SLC24A2: variants seen among roughly 807,000 people sequenced by gnomAD.
SLC24A2 encodes the protein solute carrier family 24 member 2.
Under a neutral mutation model 62.0 loss-of-function variants are expected in SLC24A2, and 36 were observed. The ratio of observed to expected loss-of-function variants is 0.58; its 90% confidence interval spans 0.44 to 0.77. The LOEUF (loss-of-function observed/expected upper bound fraction) is 0.77. SLC24A2 is among the 30% of genes least tolerant of loss of function. The pLI is 0.00. For synonymous variants in SLC24A2, 358 were observed against 294.0 expected (o/e 1.22, Z -2.23); for missense variants, 846 against 817.9 (o/e 1.03, Z -0.42).
At chr9:20,306,149 C>G in the SLC24A2 span, among the ~76,000 whole-genome samples, 6 of 152,180 alleles carry the variant, frequency 3.9e-5, no homozygotes, top group African/African-American at 1.2e-4. Context: ...GCCCACAGCA[C>G]TGGGTGAGCC....
chr9:19,833,875 A>T, the SLC24A2 span, among the ~76,000 whole-genome samples: 2 of 152,212 alleles, frequency 1.3e-5, no homozygotes, highest in African/African-American at 4.8e-5. Context: ...CTCTGAGACA[A>T]AACTTCCAGA....
chr9:20,192,961 C>T, the SLC24A2 span, among the ~76,000 whole-genome samples: 1 of 152,100 alleles, frequency 6.6e-6, no homozygotes, highest in Admixed American at 6.6e-5. Flanking sequence ...ATATAAATTA[C>T]CCAATCTTTT....
chr9:20,164,576 C>T, the SLC24A2 span, among the ~76,000 whole-genome samples: 19 of 150,236 alleles, frequency 1.3e-4, no homozygotes, highest in Non-Finnish European at 1.9e-4. Context: ...GTCAGTGTGG[C>T]GATTCCTCAG....
At chr9:19,900,648 A>G in the SLC24A2 span, among the ~76,000 whole-genome samples, 4 of 152,258 alleles carry the variant, frequency 2.6e-5, no homozygotes, top group African/African-American at 9.6e-5. Context: ...AAAGTATGCA[A>G]ATAACTTACT....
At chr9:19,711,845 G>C (rs946901313) in intron 2 of SLC24A2, among the ~76,000 whole-genome samples, 1 of 152,170 alleles carries the variant, frequency 6.6e-6, no homozygotes, top group African/African-American at 2.4e-5. Context: ...AAATAACACA[G>C]TGAGGAGAAA....
chr9:20,230,860 G>C, the SLC24A2 span, among the ~76,000 whole-genome samples: 1 of 152,114 alleles, frequency 6.6e-6, no homozygotes, highest in African/African-American at 2.4e-5. Context: ...GGTTTTTATG[G>C]TTTTAGGTCT....
chr9:19,522,490 C>A lies in SLC24A2; in HGVS notation c.1570-1430G>T, dbSNP rs1254514124. Among the ~76,000 whole-genome samples, 4 of 152,270 alleles carry A rather than the reference C, an allele frequency of 2.6e-5. 1 individual carries two copies. In the East Asian group the frequency reaches 7.7e-4, roughly 29 times the overall value. On this transcript the variant is annotated intron_variant, in intron 9 of 10. Transcript: ENST00000341998. ...TTTAGGGAATAGAATACACTCATTT[C>A]TAAATCCTTTTTAAAAAAATTCTTA... is the stretch of plus-strand genomic sequence containing the variant.
the SLC24A2 span, among the ~76,000 whole-genome samples, chr9:19,826,926 G>C: frequency 6.6e-6 from 1 of 152,098 alleles, no homozygotes; most frequent in Non-Finnish European, 1.5e-5. Flanking sequence ...GGAGCAGTTT[G>C]TTTCCCTCCT....
At chr9:19,544,393 T>C (rs1433116940) in intron 8 of SLC24A2, among the ~76,000 whole-genome samples, 1 of 152,120 alleles carries the variant, frequency 6.6e-6, no homozygotes, top group Admixed American at 6.5e-5. Context: ...AATTTGCCAG[T>C]CTGTGTCTTT....
At chr9:19,954,258 C>T in the SLC24A2 span, among the ~76,000 whole-genome samples, 130 of 152,102 alleles carry the variant, frequency 8.5e-4, 4 homozygotes, top group Non-Finnish European at 7.8e-4. Context: ...CTGGGGATAC[C>T]TCTACTGCAA....
chr9:19,576,461 G>C (rs1836014779), intron 6 of SLC24A2, among the ~76,000 whole-genome samples: 1 of 152,154 alleles, frequency 6.6e-6, no homozygotes, highest in Non-Finnish European at 1.5e-5. Flanking sequence ...CTCAGTTCAG[G>C]AGTGACCAAG....
At chr9:19,555,915 A>G (rs1459174424) in intron 7 of SLC24A2, among the ~76,000 whole-genome samples, 1 of 152,222 alleles carries the variant, frequency 6.6e-6, no homozygotes, top group Non-Finnish European at 1.5e-5. Flanking sequence ...ACTGCACTCT[A>G]GCCTGGCAAC....
chr9:19,751,465 T>C (rs545554852), intron 2 of SLC24A2, among the ~76,000 whole-genome samples: 189 of 152,282 alleles, frequency 1.2e-3, no homozygotes, highest in African/African-American at 4.3e-3. Context: ...TGAAGCTGAA[T>C]TTTTGGTGGG....
chr9:19,704,138 C>G (rs574347355), intron 2 of SLC24A2, among the ~76,000 whole-genome samples: 37 of 146,162 alleles, frequency 2.5e-4, no homozygotes, highest in African/African-American at 8.6e-4. Flanking sequence ...TCACCTATAC[C>G]TGGAACTTGT....
chr9:19,799,369 T>C, the SLC24A2 span, among the ~76,000 whole-genome samples: 53 of 152,332 alleles, frequency 3.5e-4, no homozygotes, highest in Non-Finnish European at 6.5e-4. Context: ...TTATCTGCCT[T>C]CTGCATGTGA....
the SLC24A2 span, among the ~76,000 whole-genome samples, chr9:20,048,659 C>A: frequency 6.6e-6 from 1 of 151,838 alleles, no homozygotes; most frequent in Non-Finnish European, 1.5e-5. Flanking sequence ...TAAAAGTATA[C>A]CTTCAGCTGG....
the SLC24A2 span, among the ~76,000 whole-genome samples, chr9:20,123,318 G>A: frequency 6.6e-6 from 1 of 152,116 alleles, no homozygotes; most frequent in Non-Finnish European, 1.5e-5. Context: ...TCACCTTGAA[G>A]GTTAGGATTT....
the SLC24A2 span, among the ~76,000 whole-genome samples, chr9:20,051,119 C>A: frequency 6.6e-6 from 1 of 151,852 alleles, no homozygotes; most frequent in East Asian, 1.9e-4. Flanking sequence ...CAAGATTCAA[C>A]AATATTTTGT....
At chr9:19,983,870 C>T in the SLC24A2 span, among the ~76,000 whole-genome samples, 2 of 152,094 alleles carry the variant, frequency 1.3e-5, no homozygotes, top group African/African-American at 4.8e-5. Flanking sequence ...TAAAGAACAA[C>T]ATAAATGGAA....
Sources: gnomAD v4.1 joint callset for allele counts (sites outside exome capture counted in the v4.1 genomes callset) on GRCh38, gnomAD v4.1.1 for gene constraint, MANE v1.5 for transcripts, NCBI Gene and HGNC (gene_info 2026-07-23, HGNC 2026-07-21) for gene names.